WEE2: variants seen among roughly 807,000 people sequenced by gnomAD.
WEE2 encodes the protein WEE2 oocyte meiosis inhibiting kinase.
A neutral mutation model predicts 60.1 loss-of-function variants in WEE2; 50 were observed. The ratio of observed to expected loss-of-function variants is 0.83; its 90% CI spans 0.66 to 1.05. WEE2 has a LOEUF of 1.05. Among genes scored for constraint, WEE2 ranks in the 50% least tolerant of loss-of-function variants. The pLI is 0.00. For missense variants in WEE2, 631 were observed against 684.3 expected, an observed-to-expected ratio of 0.92 and a Z score of 0.87; for synonymous variants, 240 against 241.0, an observed-to-expected ratio of 1.00 and a Z score of 0.04.
intron 5 of WEE2, 56 bp from the exon 6 acceptor site, chr7:141,723,078 A>G (rs953978023): frequency 4.4e-6 from 7 of 1,600,114 alleles, no homozygotes; most frequent in African/African-American, 4.0e-5. Flanking sequence ...TGTATTTACT[A>G]TGCTTTCATC....
At chr7:141,725,699 T>C (rs139436589) in intron 9 of WEE2, among the ~76,000 whole-genome samples, 2 of 152,060 alleles carry the variant, frequency 1.3e-5, no homozygotes, top group African/African-American at 4.8e-5. Flanking sequence ...CGGAGGATAT[T>C]GTAAAATCTT....
rs748275664 is a variant in WEE2 at position 141,729,593 on chromosome 7, G to T, written c.1598G>T (p.Gly533Val). 14 of 1,614,180 alleles carry T rather than the reference G, an allele frequency of 8.7e-6. 1 individual carries two copies. Among genetic ancestry groups the T allele is most frequent in the Non-Finnish European group, 1.2e-5 (14 of 1,180,032 alleles). ...PQGYTHHGDT[G>V]VSGTHTGSRS... is the part of the protein sequence containing the mutation. The stretch of plus-strand genomic sequence containing the variant: ...GGATATACCCATCATGGTGACACTG[G>T]GGTCTCTGGGACCCACACAGGATCA... The change falls in exon 11 of 12, where the codon GGG becomes GTG. Residue 533 changes from glycine (G) to valine (V), a missense_variant. By Grantham distance (109) the Gly-to-Val change is moderately radical. Coordinates refer to ENST00000397541, the MANE Select transcript of WEE2 (RefSeq NM_001105558.1).
chr7:141,710,028 C>A (rs954326126), intron 1 of WEE2, among the ~76,000 whole-genome samples: 9 of 152,112 alleles, frequency 5.9e-5, no homozygotes, highest in Non-Finnish European at 1.2e-4. Context: ...GGTGTGGGTA[C>A]CATGTATACC....
At chr7:141,714,049 A>T (rs1033221455) in intron 1 of WEE2, 160 bp from the exon 2 acceptor site, 2 of 569,152 alleles carry the variant, frequency 3.5e-6, no homozygotes, top group African/African-American at 3.8e-5. Flanking sequence ...TATAGTTTTC[A>T]TAAGAGGAGC....
intron 1 of WEE2, among the ~76,000 whole-genome samples, chr7:141,712,834 C>A (rs1157383449): frequency 6.6e-6 from 1 of 152,128 alleles, no homozygotes; most frequent in Admixed American, 6.5e-5. Flanking sequence ...ATCAGCATTA[C>A]AAAAAACGAA....
intron 1 of WEE2, among the ~76,000 whole-genome samples, chr7:141,709,553 C>T (rs1260831113): frequency 6.6e-6 from 1 of 152,140 alleles, no homozygotes; most frequent in Non-Finnish European, 1.5e-5. Flanking sequence ...CCAACTGGCT[C>T]TATTTTTGTG....
At chr7:141,720,089 C>T (rs747312267) in intron 4 of WEE2, among the ~76,000 whole-genome samples, 5 of 144,484 alleles carry the variant, frequency 3.5e-5, no homozygotes, top group Non-Finnish European at 3.0e-5. Context: ...TGAGGATATA[C>T]TTAACATGCA....
At chr7:141,717,321 G>A (rs1207052401) in intron 3 of WEE2, among the ~76,000 whole-genome samples, 2 of 152,124 alleles carry the variant, frequency 1.3e-5, no homozygotes, top group East Asian at 1.9e-4. Context: ...TTAGCACTTG[G>A]CTATTGTAAA....
At chr7:141,721,893 TTG>T (rs748468249) in intron 5 of WEE2, among the ~76,000 whole-genome samples, 4 of 152,246 alleles carry the variant, frequency 2.6e-5, no homozygotes, top group Non-Finnish European at 4.4e-5. Context: ...GTAGCCCTCC[TTG>T]TGTTTCCGAA....
intron 9 of WEE2, 139 bp downstream of exon 9, chr7:141,725,335 T>G: frequency 9.7e-7 from 1 of 1,029,000 alleles, no homozygotes; most frequent in Non-Finnish European, 1.4e-6. Context: ...CCAGAAAAAA[T>G]AAGGGGCGGG....
chr7:141,729,712 G>A lies in WEE2; in HGVS notation c.1678+39G>A, dbSNP rs768342437. The A allele has an allele frequency of 8.8e-6, 14 of 1,589,910 alleles. No individual in the cohort carries two copies. The South Asian group carries it at 1.4e-4, about 16-fold the overall frequency. ...CCCTTAAGAACTCATTTTGCAGCCG[G>A]GCGTGGTGGCTCACGCCTGTAATCC... On this transcript the variant is annotated intron_variant, in intron 11 of 11. Transcript: ENST00000397541.
intron 10 of WEE2, chr7:141,728,271 T>C (rs544680667): frequency 1.3e-5 from 2 of 152,268 alleles, no homozygotes; most frequent in South Asian, 4.1e-4. Context: ...AAGAAGAAAA[T>C]GAAAAATTGT....
chr7:141,723,926 T>C lies in WEE2; in HGVS notation c.1028-15T>C, dbSNP rs1362414347. On this transcript the variant is annotated splice_polypyrimidine_tract_variant and intron_variant, in intron 6 of 11. Transcript: ENST00000397541. ...GAAGTCATTACTTACATCTATCCTG[T>C]CATTTTTTTTTCAGGTAATATATTC... 1 of 1,540,336 alleles carries C rather than the reference T, an allele frequency of 6.5e-7. No individual in the cohort carries two copies. The highest frequency in any genetic ancestry group is 1.8e-5 in the Admixed American group (1 of 56,876).
rs1204731787 is a variant in WEE2, at chr7:141,708,920, A to C, written c.162A>C (p.Thr54=). ...GEVQDSEAKG[T]PPWTPLSNVH... is the part of the protein sequence containing the mutation. The stretch of plus-strand genomic sequence containing the variant: ...TGCAGGATTCAGAGGCAAAGGGTAC[A>C]CCACCTTGGACTCCCCTTAGCAACG... The change falls in exon 1 of 12, where the codon ACA becomes ACC. Residue 54 remains threonine (T), a synonymous_variant. Coordinates refer to ENST00000397541, the MANE Select transcript of WEE2 (RefSeq NM_001105558.1). 1.4e-5 allele frequency: 23 copies of C among 1,614,054 alleles called. No individual in the cohort carries two copies. Among genetic ancestry groups the C allele is most frequent in the Non-Finnish European group, 1.7e-5 (20 of 1,180,028 alleles).
At chr7:141,717,126 A>T (rs1798817789) in intron 3 of WEE2, among the ~76,000 whole-genome samples, 1 of 152,244 alleles carries the variant, frequency 6.6e-6, no homozygotes, top group Non-Finnish European at 1.5e-5. Flanking sequence ...TCAAAATTTT[A>T]TACGCTGAAT....
chr7:141,727,616 G>A (rs551495097), intron 10 of WEE2, 170 bp downstream of exon 10: 8 of 763,736 alleles, frequency 1.0e-5, no homozygotes, highest in African/African-American at 3.5e-5. Context: ...TTGTAGCATC[G>A]GGCTGGGAGG....
intron 4 of WEE2, 112 bp from the exon 5 acceptor site, chr7:141,720,823 C>A: frequency 1.8e-6 from 2 of 1,142,590 alleles, no homozygotes; most frequent in Non-Finnish European, 2.5e-6. Context: ...AAGCAGTGAG[C>A]TCTCAATAAA....
At chr7:141,710,543 A>G (rs1442271713) in intron 1 of WEE2, among the ~76,000 whole-genome samples, 1 of 152,248 alleles carries the variant, frequency 6.6e-6, no homozygotes, top group African/African-American at 2.4e-5. Context: ...ATGAAACAAT[A>G]AAGTTCAAAA....
chr7:141,730,733 C>T lies in WEE2; in HGVS notation c.*413C>T, dbSNP rs1438541144. 2 of 159,422 alleles carry T rather than the reference C, an allele frequency of 1.3e-5. No homozygotes were observed. The highest frequency in any genetic ancestry group is 2.7e-5 in the Non-Finnish European group (2 of 73,152). The allele number at this position is 159,422 out of a possible 1,614,324, so 9.9% of individuals were successfully genotyped here. A position where few individuals can be genotyped will look rare whatever the true frequency, so the allele number is the denominator to read the frequency against. On this transcript the variant is annotated 3_prime_UTR_variant, in exon 12 of 12. Transcript: ENST00000397541. ...TGATGTGCCTGTGGTTGTTCTCCAT[C>T]TATTTGCCCTGCCTCTCTTGCTGTT...
Sources: allele counts gnomAD v4.1 joint callset (sites outside exome capture counted in the v4.1 genomes callset), GRCh38; gene constraint gnomAD v4.1.1; transcripts MANE v1.5; gene names NCBI Gene and HGNC (gene_info 2026-07-23, HGNC 2026-07-21).